ARHGEF18: variants seen among roughly 807,000 people sequenced by gnomAD.
The protein encoded by ARHGEF18 is rho guanine nucleotide exchange factor 18.
A neutral mutation model predicts 155.7 loss-of-function variants in ARHGEF18; 93 were observed. That is an observed-to-expected ratio of 0.60 (90% CI 0.50 to 0.71). The LOEUF is 0.71. Among genes scored for constraint, ARHGEF18 ranks in the 30% least tolerant of loss-of-function variants. The pLI, the probability that ARHGEF18 is intolerant of heterozygous loss-of-function variation, is 0.00. For synonymous variants in ARHGEF18, 742 were observed against 753.1 expected, an observed-to-expected ratio of 0.99 and a Z score of 0.24; for missense variants, 1,593 against 1,816.1, an observed-to-expected ratio of 0.88 and a Z score of 2.23.
At position 7,376,706 on chromosome 19, in the gene ARHGEF18, C is replaced by A. The variant is rs760773286; in HGVS notation, c.490C>A (p.Arg164Ser). Residue 164 changes from arginine (R) to serine (S), a missense_variant, in exon 5 of 29, where the codon CGC becomes AGC. Transcript: ENST00000668164. ...CGTTCCTGTGTCCTTCTATGAGATC[C>A]GCTCTCCGGAAATCTCTCCGGGTTT... ...RSVPVSFYEIRSPEISPGLEV... is the reference protein window; with the variant it reads ...RSVPVSFYEISSPEISPGLEV... 1.1e-5 allele frequency: 13 copies of A among 1,234,328 alleles called. No homozygotes were observed. The highest frequency in any genetic ancestry group is 1.6e-5 in the African/African-American group (1 of 64,486). 76.5% of individuals were successfully genotyped at this position (1,234,328 alleles called of 1,614,324 possible). A position where few individuals can be genotyped will look rare whatever the true frequency, so the allele number is the denominator to read the frequency against.
intron 10 of ARHGEF18, among the ~76,000 whole-genome samples, chr19:7,386,431 G>A (rs1971078560): frequency 6.6e-6 from 1 of 151,128 alleles, no homozygotes; most frequent in African/African-American, 2.4e-5. Flanking sequence ...TGATGACCAA[G>A]TTGCCACGTG....
chr19:7,353,968 A>AGAAAG (rs1555696850), intron 1 of ARHGEF18, among the ~76,000 whole-genome samples: 1 of 150,848 alleles, frequency 6.6e-6, no homozygotes, highest in African/African-American at 2.4e-5. Flanking sequence ...AAAAAAAAAA[A>AGAAAG]AAAGAAAGAA....
intron 1 of ARHGEF18, among the ~76,000 whole-genome samples, chr19:7,354,862 T>C (rs149493332): frequency 0.03 from 4,490 of 151,858 alleles, 230 homozygotes; most frequent in African/African-American, 0.1. Flanking sequence ...GTCACGCCAT[T>C]GCACTCCAGC....
intron 10 of ARHGEF18, among the ~76,000 whole-genome samples, chr19:7,403,460 A>G (rs1457753688): frequency 6.6e-6 from 1 of 152,084 alleles, no homozygotes; most frequent in African/African-American, 2.4e-5. Context: ...TACTTGATGT[A>G]TTAATGTGAC....
chr19:7,460,591 TCCCTGTAGATTGGCCTG>T (rs1438541987), intron 20 of ARHGEF18, among the ~76,000 whole-genome samples: 10 of 151,282 alleles, frequency 6.6e-5, no homozygotes, highest in Non-Finnish European at 1.5e-4. Flanking sequence ...CTACTTCCTG[TCCCTGTAGATTGGCCTG>T]CCCTGGACAT....
Position 7,376,707 on chromosome 19 carries a change from G to A in ARHGEF18, c.491G>A (p.Arg164His), listed in dbSNP as rs747866306. The A allele has an allele frequency of 2.0e-5, 25 of 1,234,436 alleles. No individual in the cohort carries two copies. The highest frequency in any genetic ancestry group is 6.3e-5 in the East Asian group (2 of 31,710). 76.5% of individuals were successfully genotyped at this position (1,234,436 alleles called of 1,614,324 possible). The change falls in exon 5 of 29, where the codon CGC (arginine) becomes CAC (histidine). Residue 164 changes from arginine (R) to histidine (H), a missense_variant. Coordinates refer to ENST00000668164, the MANE Select transcript of ARHGEF18 (RefSeq NM_001367823.1). ...GTTCCTGTGTCCTTCTATGAGATCC[G>A]CTCTCCGGAAATCTCTCCGGGTTTG... ...RSVPVSFYEI[R>H]SPEISPGLEV...
intron 2 of ARHGEF18, among the ~76,000 whole-genome samples, chr19:7,366,664 C>A (rs1969899341): frequency 6.6e-6 from 1 of 152,228 alleles, no homozygotes. Flanking sequence ...CTCCAATTAG[C>A]TCCATGAGGA....
rs1974881382 is a variant in ARHGEF18 at position 7,444,669 on chromosome 19, C to T, written c.1611+215C>T. The stretch of plus-strand genomic sequence containing the variant: ...GGGACTACAGCTATGCGCCACCATA[C>T]CCGGCTAAATTTTATTTTTTGTAGA... On this transcript the variant is annotated intron_variant, in intron 14 of 28. Coordinates refer to ENST00000668164, the MANE Select transcript of ARHGEF18 (RefSeq NM_001367823.1). This position sits in a 1 kb window ranked among gnomAD's most constrained non-coding sequence, Gnocchi z 4.7. Among the ~76,000 whole-genome samples the T allele has an allele frequency of 6.6e-6, 1 of 152,086 alleles. No individual in the cohort carries two copies. The highest frequency in any genetic ancestry group is 2.4e-5 in the African/African-American group (1 of 41,412).
intron 10 of ARHGEF18, among the ~76,000 whole-genome samples, chr19:7,398,950 G>C (rs1328496225): frequency 6.6e-6 from 1 of 152,196 alleles, no homozygotes; most frequent in Admixed American, 6.5e-5. Flanking sequence ...GTTTAACATA[G>C]CTCAGATCGT....
chr19:7,452,801 G>T (rs1975571512), intron 16 of ARHGEF18, among the ~76,000 whole-genome samples: 1 of 151,734 alleles, frequency 6.6e-6, no homozygotes, highest in African/African-American at 2.4e-5. Context: ...ACAGAGGAAA[G>T]TTCGTTTACC....
At chr19:7,443,201 C>T (rs772973117) in intron 13 of ARHGEF18, among the ~76,000 whole-genome samples, 6 of 151,808 alleles carry the variant, frequency 4.0e-5, no homozygotes, top group Admixed American at 6.6e-5. Flanking sequence ...GAATTACAGG[C>T]GCCCACTGCC....
intron 10 of ARHGEF18, among the ~76,000 whole-genome samples, chr19:7,435,537 T>G (rs1188380558): frequency 6.6e-6 from 1 of 151,890 alleles, no homozygotes; most frequent in Admixed American, 6.6e-5. Flanking sequence ...CCCGAGGTGA[T>G]GAGGGCAGCG....
At chr19:7,409,501 C>T (rs1188730867) in intron 10 of ARHGEF18, among the ~76,000 whole-genome samples, 1 of 149,976 alleles carries the variant, frequency 6.7e-6, no homozygotes, top group African/African-American at 2.5e-5. Context: ...AATCTCGGCT[C>T]ACTGTAACCT....
At chr19:7,421,655 G>A (rs1817378048) in intron 10 of ARHGEF18, among the ~76,000 whole-genome samples, 1 of 152,094 alleles carries the variant, frequency 6.6e-6, no homozygotes, top group South Asian at 2.1e-4. Flanking sequence ...CCAGCTACTT[G>A]GGAGGCTGGG....
intron 2 of ARHGEF18, among the ~76,000 whole-genome samples, chr19:7,368,237 T>C (rs1269432214): frequency 1.3e-5 from 2 of 152,116 alleles, no homozygotes; most frequent in African/African-American, 4.8e-5. Flanking sequence ...CTGTGCGTGG[T>C]GAGCCTTTCT....
chr19:7,351,793 C>A (rs574234376), intron 1 of ARHGEF18, among the ~76,000 whole-genome samples: 1 of 151,002 alleles, frequency 6.6e-6, no homozygotes, highest in South Asian at 2.1e-4. Flanking sequence ...CTCCTGGGTT[C>A]AAGCAGTTCT....
chr19:7,446,211 C>G (rs987342450), intron 14 of ARHGEF18, among the ~76,000 whole-genome samples: 6 of 151,776 alleles, frequency 4.0e-5, no homozygotes, highest in African/African-American at 1.2e-4. Flanking sequence ...CCAGCCTGAC[C>G]AACATGGTCA....
intron 4 of ARHGEF18, 114 bp downstream of exon 4, chr19:7,375,984 A>T: frequency 8.7e-7 from 1 of 1,153,512 alleles, no homozygotes; most frequent in Non-Finnish European, 1.1e-6. Flanking sequence ...CCACCATGGC[A>T]GGGTGGAGGC....
rs558878715 is a variant in ARHGEF18, at chr19:7,371,295, T to C, written c.16-1517T>C. On this transcript the variant is annotated intron_variant, in intron 2 of 28. Transcript: ENST00000668164. ...GTTTCATGGGAACAGAATTTTAATT[T>C]GGGAAGATGAGAAAGTTCTGGAGAT... Among the ~76,000 whole-genome samples, 6 of 152,122 alleles carry C rather than the reference T, an allele frequency of 3.9e-5. 1 individual carries two copies. In the South Asian group the frequency reaches 1.2e-3, roughly 32 times the overall value.
Sources: gnomAD v4.1 joint callset for allele counts (sites outside exome capture counted in the v4.1 genomes callset) on GRCh38, gnomAD v4.1.1 for gene constraint, Gnocchi (gnomAD v3.1) non-coding constraint, MANE v1.5 for transcripts, NCBI Gene and HGNC (gene_info 2026-07-23, HGNC 2026-07-21) for gene names.